Variants in HYAL4 observed in about 807,000 individuals in gnomAD.
HYAL4 encodes the protein hyaluronidase-4.
In HYAL4, 37 loss-of-function variants were observed where a neutral mutation model predicts 35.2. That is an observed-to-expected ratio of 1.05 (90% CI 0.81 to 1.38). The LOEUF is 1.38. Ranked by LOEUF, HYAL4 falls within the 40% of genes most tolerant of loss-of-function variation. The pLI, the probability that HYAL4 is intolerant of heterozygous loss-of-function variation, is 0.00. For missense variants in HYAL4, 572 were observed against 572.4 expected (o/e 1.00, Z 0.01); for synonymous variants, 198 against 203.2 (o/e 0.97, Z 0.22).
At chr7:123,770,926 G>A in the HYAL4 span, among the ~76,000 whole-genome samples, 4 of 152,084 alleles carry the variant, frequency 2.6e-5, no homozygotes, top group Middle Eastern at 3.2e-3. Context: ...ATAAGAAGGA[G>A]GAAATGAATG....
the HYAL4 span, among the ~76,000 whole-genome samples, chr7:123,819,807 CA>C: frequency 1.3e-5 from 2 of 151,532 alleles, no homozygotes; most frequent in African/African-American, 4.9e-5. Flanking sequence ...ATGTGACAAA[CA>C]AAAAGTAATA....
the HYAL4 span, among the ~76,000 whole-genome samples, chr7:123,812,994 G>A: frequency 1.3e-5 from 2 of 152,028 alleles, no homozygotes; most frequent in South Asian, 4.1e-4. Context: ...GTTCACATTT[G>A]TTAATTTAAA....
chr7:123,825,110 C>G (rs750469880), upstream of HYAL4, among the ~76,000 whole-genome samples: 1 of 151,770 alleles, frequency 6.6e-6, no homozygotes, highest in Non-Finnish European at 1.5e-5. Context: ...TGAAATCTCT[C>G]TTTCTCTCTC....
chr7:123,802,137 CT>C, the HYAL4 span, among the ~76,000 whole-genome samples: 1 of 152,150 alleles, frequency 6.6e-6, no homozygotes, highest in Non-Finnish European at 1.5e-5. Flanking sequence ...ATGCCTGATG[CT>C]TCCAAAAAGA....
At chr7:123,782,769 G>A in the HYAL4 span, among the ~76,000 whole-genome samples, 1 of 152,034 alleles carries the variant, frequency 6.6e-6, no homozygotes, top group African/African-American at 2.4e-5. Context: ...TTTACAACAT[G>A]TACTCGCTTC....
chr7:123,874,958 T>G, intron 4 of HYAL4, 108 bp downstream of exon 4: 2 of 684,674 alleles, frequency 2.9e-6, no homozygotes, highest in South Asian at 1.7e-5. Context: ...AGAATAAATA[T>G]TCCAAATCAG....
the HYAL4 span, among the ~76,000 whole-genome samples, chr7:123,765,203 TA>T: frequency 6.6e-6 from 1 of 151,882 alleles, no homozygotes; most frequent in African/African-American, 2.4e-5. Flanking sequence ...CAGTGATAAA[TA>T]AAAAAAATTG....
chr7:123,867,534 T>G (rs576919532), intron 2 of HYAL4, among the ~76,000 whole-genome samples: 4 of 152,194 alleles, frequency 2.6e-5, no homozygotes, highest in African/African-American at 7.2e-5. Flanking sequence ...TTCTTAAGTT[T>G]TACCCTGGGA....
rs181652740 is a variant in HYAL4 at position 123,851,184 on chromosome 7, A to G, written c.-52+3026A>G. Among the ~76,000 whole-genome samples the G allele has an allele frequency of 2.6e-5, 4 of 152,364 alleles. No homozygotes were observed. In the East Asian group the frequency reaches 7.7e-4, roughly 29 times the overall value. ...AAAGTAGACAACAAATTATTTAATGATCTTTTAAAAAATACATGCAAATTA... is the reference window on the plus strand; with the variant it reads ...AAAGTAGACAACAAATTATTTAATGGTCTTTTAAAAAATACATGCAAATTA... On this transcript the variant is annotated intron_variant, in intron 2 of 4. Transcript: ENST00000223026.
the HYAL4 span, among the ~76,000 whole-genome samples, chr7:123,795,410 T>C: frequency 2.1e-4 from 32 of 152,312 alleles, no homozygotes; most frequent in African/African-American, 6.3e-4. Context: ...TGGAATAATA[T>C]GGTTTGGCTG....
the HYAL4 span, among the ~76,000 whole-genome samples, chr7:123,800,768 TGCCTCA>T: frequency 6.2e-4 from 94 of 152,040 alleles, no homozygotes; most frequent in African/African-American, 2.2e-3. Flanking sequence ...ACGATTCTCG[TGCCTCA>T]GCCTCCTGAG....
chr7:123,854,132 T>C (rs556109567), intron 2 of HYAL4, among the ~76,000 whole-genome samples: 32 of 152,340 alleles, frequency 2.1e-4, no homozygotes, highest in Middle Eastern at 3.4e-3. Context: ...TCTTTATTAG[T>C]CTGGCTAGCA....
chr7:123,830,587 C>A (rs1454105689), intron 1 of HYAL4, among the ~76,000 whole-genome samples: 1 of 152,280 alleles, frequency 6.6e-6, no homozygotes, highest in East Asian at 1.9e-4. Context: ...TCATGGGACA[C>A]CTGTTTTTCC....
the HYAL4 span, among the ~76,000 whole-genome samples, chr7:123,790,970 A>C: frequency 6.6e-6 from 1 of 151,992 alleles, no homozygotes; most frequent in Non-Finnish European, 1.5e-5. Context: ...TTGCCATGTT[A>C]GCCAGGCTGG....
At chr7:123,776,588 T>A in the HYAL4 span, among the ~76,000 whole-genome samples, 3 of 152,180 alleles carry the variant, frequency 2.0e-5, no homozygotes, top group African/African-American at 7.2e-5. Flanking sequence ...TAATTTTTAT[T>A]TTTATATTTT....
the HYAL4 span, among the ~76,000 whole-genome samples, chr7:123,793,033 C>G: frequency 6.6e-6 from 1 of 152,134 alleles, no homozygotes; most frequent in African/African-American, 2.4e-5. Flanking sequence ...GTTGGTGGAC[C>G]AGGATTGAGC....
chr7:123,779,239 C>T, the HYAL4 span, among the ~76,000 whole-genome samples: 1 of 151,888 alleles, frequency 6.6e-6, no homozygotes, highest in African/African-American at 2.4e-5. Flanking sequence ...TCTCTAAAGT[C>T]CTCAACAAGT....
chr7:123,875,316 C>T (rs1806982367), intron 4 of HYAL4, among the ~76,000 whole-genome samples: 1 of 152,142 alleles, frequency 6.6e-6, no homozygotes, highest in African/African-American at 2.4e-5. Context: ...TAATTCTCCA[C>T]AATGAAGTTA....
chr7:123,793,689 C>G, the HYAL4 span, among the ~76,000 whole-genome samples: 2 of 152,142 alleles, frequency 1.3e-5, no homozygotes, highest in African/African-American at 4.8e-5. Context: ...TTGTAAGTTT[C>G]CTGAAGCTTC....
Sources: allele counts gnomAD v4.1 joint callset (sites outside exome capture counted in the v4.1 genomes callset), GRCh38; gene constraint gnomAD v4.1.1; transcripts MANE v1.5; gene names NCBI Gene and HGNC (gene_info 2026-07-23, HGNC 2026-07-21).